Variants in ATAD3C observed in about 807,000 individuals in gnomAD.
ATAD3C encodes ATPase family AAA domain containing 3C, also known as ATPase family AAA domain-containing protein 3C.
A neutral mutation model predicts 46.3 loss-of-function variants in ATAD3C; 38 were observed. That is an observed-to-expected ratio of 0.82 (90% CI 0.63 to 1.08). ATAD3C has a LOEUF of 1.08. Among genes scored for constraint, ATAD3C ranks in the 50% least tolerant of loss-of-function variants. The pLI is 0.00. For missense variants in ATAD3C, 563 were observed against 572.7 expected, an observed-to-expected ratio of 0.98 and a Z score of 0.17; for synonymous variants, 220 against 236.4, an observed-to-expected ratio of 0.93 and a Z score of 0.63.
In ATAD3C at chr1:1,469,035, G is replaced by A. The variant is rs1639196191; in HGVS notation, c.*505G>A. 6.9e-6 allele frequency: 1 copy of A among 144,816 alleles called. No individual in the cohort carries two copies. The highest frequency in any genetic ancestry group is 2.2e-4 in the East Asian group (1 of 4,642). The allele number at this position is 144,816 out of a possible 1,614,324, so 9.0% of individuals were successfully genotyped here. On this transcript the variant is annotated 3_prime_UTR_variant, in exon 12 of 12. Coordinates refer to ENST00000378785, the MANE Select transcript of ATAD3C (RefSeq NM_001039211.3). ...TGGAATCTCAGCGAGGCCAAGGAGA[G>A]TGGATCACCTGAGGTCGGGAGTTCC...
Position 1,450,042 on chromosome 1 carries a change from G to A in ATAD3C, c.-642G>A, listed in dbSNP as rs1389235258. The stretch of plus-strand genomic sequence containing the variant: ...CAGCCATTGGAAGCTTAGGAAAAGG[G>A]TATGTGCCGGGCGCGGTGGCTCACA... On this transcript the variant is annotated 5_prime_UTR_variant, in exon 1 of 12. Transcript: ENST00000378785. 6.6e-6 allele frequency: 1 copy of A among 152,004 alleles called. No homozygotes were observed. The highest frequency in any genetic ancestry group is 1.9e-4 in the East Asian group (1 of 5,190). 9.4% of individuals were successfully genotyped at this position (152,004 alleles called of 1,614,324 possible).
In ATAD3C at chr1:1,450,404, A is replaced by G; in HGVS notation, c.-280A>G. 2.4e-6 allele frequency: 1 copy of G among 419,134 alleles called. No individual in the cohort carries two copies. The highest frequency in any genetic ancestry group is 4.4e-6 in the Non-Finnish European group (1 of 228,530). 26.0% of individuals were successfully genotyped at this position (419,134 alleles called of 1,614,324 possible). Reference sequence around the variant, plus strand: ...GCCTGACTTTCTGTTGAATTGGGAAAGAGCCTCCTCCCGTCCACATGGGAT... The same window carrying G: ...GCCTGACTTTCTGTTGAATTGGGAAGGAGCCTCCTCCCGTCCACATGGGAT... On this transcript the variant is annotated 5_prime_UTR_variant, in exon 1 of 12. Transcript: ENST00000378785.
At chr1:1,463,116 T>G (rs1219007492) in intron 11 of ATAD3C, among the ~76,000 whole-genome samples, 1 of 152,072 alleles carries the variant, frequency 6.6e-6, no homozygotes, top group African/African-American at 2.4e-5. Flanking sequence ...GTCCATTGGC[T>G]TGGTCCTGCT....
chr1:1,456,656 TC>T (rs1174424755), intron 7 of ATAD3C, among the ~76,000 whole-genome samples: 3 of 151,088 alleles, frequency 2.0e-5, no homozygotes, highest in African/African-American at 7.3e-5. Context: ...ACAGCCGCCC[TC>T]CCCCCAACAC....
In ATAD3C at chr1:1,460,830, T is replaced by C. The variant is rs375175250; in HGVS notation, c.893T>C (p.Phe298Ser). The change falls in exon 10 of 12, where the codon TTC becomes TCC. Residue 298 changes from phenylalanine to serine, a missense_variant. Transcript: ENST00000378785. Reference sequence around the variant, plus strand: ...GCCTGCATCGACGTGATGGTCCACTTCGACCTGCCAGGGCAGGAGGAGCGG... The same window carrying C: ...GCCTGCATCGACGTGATGGTCCACTCCGACCTGCCAGGGCAGGAGGAGCGG... ...INACIDVMVH[F>S]DLPGQEERAR... is the part of the protein sequence containing the mutation. The C allele has an allele frequency of 3.1e-6, 5 of 1,612,954 alleles. No homozygotes were observed. The African/African-American group carries it at 6.7e-5, about 22-fold the overall frequency.
rs201954244 is a variant in ATAD3C, at chr1:1,455,474, G to C, written c.393G>C (p.Arg131=). The C allele has an allele frequency of 5.6e-6, 9 of 1,612,464 alleles. No individual in the cohort carries two copies. Among genetic ancestry groups the C allele is most frequent in the Non-Finnish European group, 7.6e-6 (9 of 1,179,420 alleles). The change falls in exon 5 of 12, where the codon CGG becomes CGC. Residue 131 remains arginine (R), a synonymous_variant. Transcript: ENST00000378785. ...TTCCCCTCCAGCAGGTCAGCCGGCG[G>C]CTCCTCAGTCGACCCCAGGACGTGC... The part of the protein sequence containing the change: ...LRHPIQQVSR[R]LLSRPQDVLE...
intron 11 of ATAD3C, among the ~76,000 whole-genome samples, chr1:1,464,705 A>C (rs1397660269): frequency 1.3e-5 from 2 of 151,644 alleles, no homozygotes; most frequent in African/African-American, 2.4e-5. Context: ...CTGGAGGCGG[A>C]GGTTCCAGTG....
At position 1,454,495 on chromosome 1, in the gene ATAD3C, A is replaced by C; in HGVS notation, c.373A>C (p.Ile125Leu). ...ITVLEALRHP[I>L]QQVSRRLLSR... ...GGTGCTTGAGGCGCTGCGGCACCCC[A>C]TCCAGGTAGCGGCGCAGGCCTGGCC... Residue 125 changes from isoleucine (I) to leucine (L), a missense_variant, in exon 4 of 12, where the codon ATC becomes CTC. Coordinates refer to ENST00000378785, the MANE Select transcript of ATAD3C (RefSeq NM_001039211.3). The C allele has an allele frequency of 6.2e-7, 1 of 1,608,266 alleles. No homozygotes were observed. Among genetic ancestry groups the C allele is most frequent in the Non-Finnish European group, 8.5e-7 (1 of 1,178,984 alleles).
In ATAD3C at chr1:1,454,481, C is replaced by A. The variant is rs746415388; in HGVS notation, c.359C>A (p.Ala120Glu). ...ACGTCCCGCATCACGGTGCTTGAGGCGCTGCGGCACCCCATCCAGGTAGCG... is the reference window on the plus strand; with the variant it reads ...ACGTCCCGCATCACGGTGCTTGAGGAGCTGCGGCACCCCATCCAGGTAGCG... ...RETSRITVLE[A>E]LRHPIQQVSR... is the part of the protein sequence containing the mutation. Residue 120 changes from alanine (A) to glutamate (E), a missense_variant, in exon 4 of 12, where the codon GCG becomes GAG. Physicochemically the swap from Ala to Glu is moderately radical, Grantham distance 107. Coordinates refer to ENST00000378785, the MANE Select transcript of ATAD3C (RefSeq NM_001039211.3). The A allele has an allele frequency of 2.5e-6, 4 of 1,609,076 alleles. No individual in the cohort carries two copies. The highest frequency in any genetic ancestry group is 3.4e-6 in the Non-Finnish European group (4 of 1,179,180).
At chr1:1,465,874 C>T (rs1191312879) in intron 11 of ATAD3C, among the ~76,000 whole-genome samples, 1 of 151,918 alleles carries the variant, frequency 6.6e-6, no homozygotes, top group Non-Finnish European at 1.5e-5. Context: ...TTGCCTGGTT[C>T]CTTACTCAGA....
At position 1,460,871 on chromosome 1, in the gene ATAD3C, ATG is replaced by A. The variant is rs1258966361; in HGVS notation, c.936_937del (p.Met312IlefsTer3). 1 of 1,612,908 alleles carries A rather than the reference ATG, an allele frequency of 6.2e-7. No homozygotes were observed. The highest frequency in any genetic ancestry group is 2.2e-5 in the East Asian group (1 of 44,826). On this transcript the variant is annotated frameshift_variant, in exon 10 of 12. Coordinates refer to ENST00000378785, the MANE Select transcript of ATAD3C (RefSeq NM_001039211.3). LOFTEE classifies it high-confidence loss of function. ...GGAGGAGCGGGCGCGCCTGGTGAGA[ATG>A]TATCTTAACGAGTATGTTCTTAAGC... is the stretch of plus-strand genomic sequence containing the variant. ...GQEERARLVR[M>X]YLNEYVLKPA...
rs778510357 is a variant in ATAD3C, at chr1:1,460,723, G to A, written c.813-27G>A. 5.0e-5 allele frequency: 79 copies of A among 1,579,978 alleles called. 1 individual carries two copies. The highest frequency in any genetic ancestry group is 4.8e-4 in the East Asian group (21 of 43,300). On this transcript the variant is annotated intron_variant, in intron 9 of 11. Transcript: ENST00000378785. ...GGACAGCTCGGCCGGCAGCCCCAGC[G>A]TTTCCTTCCCCATCCCCGCCCCGCA... is the stretch of plus-strand genomic sequence containing the variant.
chr1:1,468,492 G>A lies in ATAD3C; in HGVS notation c.1198G>A (p.Glu400Lys). 6.2e-7 allele frequency: 1 copy of A among 1,611,510 alleles called. No homozygotes were observed. The highest frequency in any genetic ancestry group is 8.5e-7 in the Non-Finnish European group (1 of 1,178,956). Residue 400 changes from glutamate to lysine, a missense_variant, in exon 12 of 12, where the codon GAG becomes AAG. By Grantham distance (56) the Glu-to-Lys change is moderately conservative. Around this residue, in one of 3 missense-constraint regions of ATAD3C, gnomAD observed 273 missense variants for 253.5 expected, o/e 1.08. Transcript: ENST00000378785. ...HQQMMRWLKG[E>K]RPGPEDEQPS... ...GCAGATGATGCGCTGGCTGAAGGGG[G>A]AGAGGCCTGGGCCCGAGGACGAGCA...
Position 1,451,293 on chromosome 1 carries a change from C to A in ATAD3C, c.75+535C>A, listed in dbSNP as rs1224341069. On this transcript the variant is annotated intron_variant, in intron 1 of 11. Transcript: ENST00000378785. The stretch of plus-strand genomic sequence containing the variant: ...TCCTGATCTCCGCCTGCCTCAGCCT[C>A]CCAAAGTGCTGGGATTACAGGCGTG... Among the ~76,000 whole-genome samples, 2 of 151,922 alleles carry A rather than the reference C, an allele frequency of 1.3e-5. 1 individual carries two copies. The highest frequency in any genetic ancestry group is 6.3e-3 in the Middle Eastern group (2 of 316).
chr1:1,465,807 C>T (rs1040165719), intron 11 of ATAD3C, among the ~76,000 whole-genome samples: 3 of 151,686 alleles, frequency 2.0e-5, no homozygotes, highest in Non-Finnish European at 4.4e-5. Context: ...TTTTTCTTGT[C>T]TAATGGCCCT....
rs1638917768 is a variant in ATAD3C at position 1,454,474 on chromosome 1, C to T, written c.352C>T (p.Leu118Phe). The change falls in exon 4 of 12, where the codon CTT becomes TTT. Residue 118 changes from leucine to phenylalanine, a missense_variant. Physicochemically the swap from Leu to Phe is conservative, Grantham distance 22 (BLOSUM62 0). Transcript: ENST00000378785. ...GAGGGAGACGTCCCGCATCACGGTG[C>T]TTGAGGCGCTGCGGCACCCCATCCA... Reference protein sequence around the residue: ...LVRETSRITVLEALRHPIQQV... With the variant: ...LVRETSRITVFEALRHPIQQV... 1.9e-6 allele frequency: 3 copies of T among 1,609,572 alleles called. No homozygotes were observed. The highest frequency in any genetic ancestry group is 2.5e-6 in the Non-Finnish European group (3 of 1,179,282).
At chr1:1,467,282 C>A (rs1294733412) in intron 11 of ATAD3C, among the ~76,000 whole-genome samples, 9 of 152,056 alleles carry the variant, frequency 5.9e-5, no homozygotes, top group Non-Finnish European at 1.0e-4. Flanking sequence ...TCGGGTGGAC[C>A]CTGAGGGTCC....
intron 10 of ATAD3C, among the ~76,000 whole-genome samples, chr1:1,461,331 G>C (rs1639061250): frequency 6.6e-6 from 1 of 151,740 alleles, no homozygotes; most frequent in African/African-American, 2.4e-5. Context: ...GGCATTATAG[G>C]TGCCCACGAC....
chr1:1,466,271 G>GGC (rs1343844932), intron 11 of ATAD3C, among the ~76,000 whole-genome samples: 1 of 151,040 alleles, frequency 6.6e-6, no homozygotes, highest in Non-Finnish European at 1.5e-5. Context: ...AAAATGGCTG[G>GGC]GCGCGGTGGC....
Sources: gnomAD v4.1 joint callset for allele counts (sites outside exome capture counted in the v4.1 genomes callset) on GRCh38, gnomAD v4.1.1 for gene constraint, gnomAD v4.1.1 regional missense constraint, MANE v1.5 for transcripts, NCBI Gene and HGNC (gene_info 2026-07-23, HGNC 2026-07-21) for gene names.